The following ZFYVE16 variants were observed in gnomAD, a reference collection of about 807,000 sequenced individuals.
The protein encoded by ZFYVE16 is zinc finger FYVE domain-containing protein 16.
In ZFYVE16, 89 loss-of-function variants were observed where a neutral mutation model predicts 138.1. That is an observed-to-expected ratio of 0.64 (90% CI 0.54 to 0.77). ZFYVE16 has a LOEUF of 0.77. Among genes scored for constraint, ZFYVE16 ranks in the 30% least tolerant of loss-of-function variants. The probability of loss-of-function intolerance (pLI) is 0.00; values close to 1 mark genes in which losing one functional copy is unlikely to be tolerated. For missense variants in ZFYVE16, 1,793 were observed against 1,786.7 expected, an observed-to-expected ratio of 1.00 and a Z score of -0.06; for synonymous variants, 596 against 618.3, an observed-to-expected ratio of 0.96 and a Z score of 0.53.
chr5:80,430,585 G>A (rs1748849777), intron 2 of ZFYVE16, among the ~76,000 whole-genome samples: 2 of 151,812 alleles, frequency 1.3e-5, no homozygotes, highest in African/African-American at 2.4e-5. Flanking sequence ...AAATAACTAA[G>A]ATCAGAGCAG....
In ZFYVE16 at chr5:80,478,999, T is replaced by G. The variant is rs752624494; in HGVS notation, c.*1622T>G. ...AATATAGTGTATGTATTCTGCCATGTAAGTAATTGAACAGTCTTAAAATAA... is the reference window on the plus strand; with the variant it reads ...AATATAGTGTATGTATTCTGCCATGGAAGTAATTGAACAGTCTTAAAATAA... On this transcript the variant is annotated 3_prime_UTR_variant, in exon 19 of 19. Transcript: ENST00000505560. 8 of 152,186 alleles carry G rather than the reference T, an allele frequency of 5.3e-5. No homozygotes were observed. The highest frequency in any genetic ancestry group is 1.2e-4 in the Non-Finnish European group (8 of 68,004). The allele number at this position is 152,186 out of a possible 1,614,324, so 9.4% of individuals were successfully genotyped here. A position where few individuals can be genotyped will look rare whatever the true frequency, so the allele number is the denominator to read the frequency against.
At chr5:80,419,806 TTTTTTG>T (rs1746818799) in intron 1 of ZFYVE16, among the ~76,000 whole-genome samples, 2 of 146,536 alleles carry the variant, frequency 1.4e-5, no homozygotes, top group African/African-American at 4.9e-5. Context: ...TCTTTGGTTT[TTTTTTG>T]TTTTGTTTTA....
Position 80,463,498 on chromosome 5 carries a change from C to G in ZFYVE16, c.4024+4004C>G, listed in dbSNP as rs143006548. The stretch of plus-strand genomic sequence containing the variant: ...AAACCATTTTTACCTCCCAGGCCTC[C>G]AGGCCTGTAATGGGAGGGACTGTTG... On this transcript the variant is annotated intron_variant, in intron 15 of 18. Transcript: ENST00000505560. Among the ~76,000 whole-genome samples, 796 of 152,264 alleles carry G rather than the reference C, an allele frequency of 5.2e-3. 4 individuals carry two copies. Among genetic ancestry groups the G allele is most frequent in the African/African-American group, 0.018 (734 of 41,538 alleles).
At chr5:80,470,067 G>A (rs978205984) in intron 15 of ZFYVE16, among the ~76,000 whole-genome samples, 23 of 33,632 alleles carry the variant, frequency 6.8e-4, no homozygotes, top group Non-Finnish European at 1.7e-3. Context: ...ATATATACGT[G>A]TGTGTGTGTG....
At position 80,443,393 on chromosome 5, in the gene ZFYVE16, G is replaced by C. The variant is rs182452427; in HGVS notation, c.2581+109G>C. The C allele has an allele frequency of 7.3e-5, 92 of 1,268,656 alleles. No individual in the cohort carries two copies. The East Asian group carries it at 2.1e-3, about 29-fold the overall frequency. The allele number at this position is 1,268,656 out of a possible 1,614,324, so 78.6% of individuals were successfully genotyped here. A position where few individuals can be genotyped will look rare whatever the true frequency, so the allele number is the denominator to read the frequency against. Reference sequence around the variant, plus strand: ...AGAGAAACCAGACTAGGTATCAAGAGAGATTTAATACAGGGAATTGGTTAC... The same window carrying C: ...AGAGAAACCAGACTAGGTATCAAGACAGATTTAATACAGGGAATTGGTTAC... On this transcript the variant is annotated intron_variant, in intron 6 of 18. Transcript: ENST00000505560.
At chr5:80,441,504 G>A in intron 5 of ZFYVE16, 1 of 985,320 alleles carries the variant, frequency 1.0e-6, no homozygotes, top group South Asian at 4.7e-5. Context: ...GTTAATACCA[G>A]CTTTAGGGTT....
intron 15 of ZFYVE16, among the ~76,000 whole-genome samples, chr5:80,462,101 A>G (rs1258434483): frequency 6.6e-6 from 1 of 152,210 alleles, no homozygotes; most frequent in Non-Finnish European, 1.5e-5. Flanking sequence ...TAGGGCTTCA[A>G]CATACGAATT....
chr5:80,426,599 C>T (rs957991357), intron 1 of ZFYVE16, among the ~76,000 whole-genome samples: 5 of 152,072 alleles, frequency 3.3e-5, no homozygotes, highest in Non-Finnish European at 7.4e-5. Flanking sequence ...GGCTTTTAGC[C>T]TCATCCATGT....
chr5:80,418,471 C>G (rs553244996), intron 1 of ZFYVE16, among the ~76,000 whole-genome samples: 1 of 152,034 alleles, frequency 6.6e-6, no homozygotes, highest in Admixed American at 6.6e-5. Flanking sequence ...CACCCCCACA[C>G]CTAACTAATT....
intron 16 of ZFYVE16, 98 bp downstream of exon 16, chr5:80,473,021 T>A: frequency 9.2e-7 from 1 of 1,088,460 alleles, no homozygotes; most frequent in Non-Finnish European, 1.3e-6. Context: ...AACGAATATA[T>A]ACTTATACCA....
intron 15 of ZFYVE16, among the ~76,000 whole-genome samples, chr5:80,461,260 C>T (rs772595290): frequency 1.7e-4 from 26 of 152,262 alleles, no homozygotes; most frequent in Middle Eastern, 3.4e-3. Context: ...TGGCCCTATG[C>T]GCTTCAGATA....
At chr5:80,444,714 T>C (rs1014084966) in intron 6 of ZFYVE16, among the ~76,000 whole-genome samples, 1 of 151,956 alleles carries the variant, frequency 6.6e-6, no homozygotes, top group South Asian at 2.1e-4. Flanking sequence ...TTTCAAGTGA[T>C]CCTGTTACCT....
In ZFYVE16 at chr5:80,438,304, A is replaced by G. The variant is rs750847773; in HGVS notation, c.1619A>G (p.Gln540Arg). ...GAACTTGATGCCTTTCTGACAGAAC[A>G]GTATCTTCAGACCACTAACATAAAG... ...DAELDAFLTE[Q>R]YLQTTNIKSF... is the part of the protein sequence containing the mutation. The change falls in exon 4 of 19, where the codon CAG becomes CGG. Residue 540 changes from glutamine (Q) to arginine (R), a missense_variant. Coordinates refer to ENST00000505560, the MANE Select transcript of ZFYVE16 (RefSeq NM_001284236.3). The G allele has an allele frequency of 6.2e-7, 1 of 1,614,066 alleles. No individual in the cohort carries two copies. Among genetic ancestry groups the G allele is most frequent in the Non-Finnish European group, 8.5e-7 (1 of 1,179,962 alleles).
chr5:80,442,846 G>A (rs1468180558), intron 5 of ZFYVE16, among the ~76,000 whole-genome samples: 1 of 152,228 alleles, frequency 6.6e-6, no homozygotes, highest in Non-Finnish European at 1.5e-5. Context: ...AACAGAGACA[G>A]TCATGTAATA....
Position 80,457,600 on chromosome 5 carries a change from A to G in ZFYVE16, c.3943+508A>G, listed in dbSNP as rs116706408. On this transcript the variant is annotated intron_variant, in intron 14 of 18. Coordinates refer to ENST00000505560, the MANE Select transcript of ZFYVE16 (RefSeq NM_001284236.3). Reference sequence around the variant, plus strand: ...ATTGAAAGTTAAATGGAAGCATTTCATAAAATTAATATATTATTATAGGAT... The same window carrying G: ...ATTGAAAGTTAAATGGAAGCATTTCGTAAAATTAATATATTATTATAGGAT... 5.2e-3 allele frequency among the ~76,000 whole-genome samples: 792 copies of G among 152,354 alleles called. 4 individuals are homozygous for G. The highest frequency in any genetic ancestry group is 0.016 in the African/African-American group (656 of 41,594).
chr5:80,435,551 GT>G (rs1319111867), intron 3 of ZFYVE16, among the ~76,000 whole-genome samples: 1 of 152,146 alleles, frequency 6.6e-6, no homozygotes, highest in Non-Finnish European at 1.5e-5. Flanking sequence ...CCTTAGTCTG[GT>G]TTTTATAGTG....
chr5:80,459,406 T>C lies in ZFYVE16; in HGVS notation c.3944-8T>C, dbSNP rs1466869628. Reference sequence around the variant, plus strand: ...TTAAAACAAATAATTGTTGTATTTCTTGATCAGTGACAGGTGCAAGTTTTG... The same window carrying C: ...TTAAAACAAATAATTGTTGTATTTCCTGATCAGTGACAGGTGCAAGTTTTG... On this transcript the variant is annotated splice_polypyrimidine_tract_variant and splice_region_variant and intron_variant, in intron 14 of 18. Transcript: ENST00000505560. The C allele has an allele frequency of 1.2e-6, 2 of 1,608,942 alleles. No homozygotes were observed. Among genetic ancestry groups the C allele is most frequent in the African/African-American group, 2.7e-5 (2 of 74,862 alleles).
upstream of ZFYVE16, among the ~76,000 whole-genome samples, chr5:80,407,843 G>C (rs1744819673): frequency 6.6e-6 from 1 of 152,246 alleles, no homozygotes; most frequent in Non-Finnish European, 1.5e-5. Flanking sequence ...CGAATCATCA[G>C]GCGTCCCCGT....
At chr5:80,468,489 G>A (rs980891824) in intron 15 of ZFYVE16, among the ~76,000 whole-genome samples, 2 of 152,122 alleles carry the variant, frequency 1.3e-5, no homozygotes, top group Non-Finnish European at 2.9e-5. Flanking sequence ...TAATATGATG[G>A]CATTTGTGTA....
Sources: gnomAD v4.1 joint callset for allele counts (sites outside exome capture counted in the v4.1 genomes callset) on GRCh38, gnomAD v4.1.1 for gene constraint, MANE v1.5 for transcripts, NCBI Gene and HGNC (gene_info 2026-07-23, HGNC 2026-07-21) for gene names.